UPF2: variants seen among roughly 807,000 people sequenced by gnomAD.
The protein encoded by UPF2 is UPF2 regulator of nonsense mediated mRNA decay, also known as regulator of nonsense transcripts 2.
UPF2 carries 17 observed loss-of-function variants against 141.4 expected under a neutral mutation model. The observed-to-expected ratio is 0.12, with a 90% confidence interval of 0.08 to 0.18. UPF2 has a LOEUF of 0.18. UPF2 is among the 10% of genes least tolerant of loss of function. The probability of loss-of-function intolerance (pLI) is 1.00; values close to 1 mark genes in which losing one functional copy is unlikely to be tolerated. For synonymous variants in UPF2, 540 were observed against 498.0 expected (o/e 1.08, Z -1.12); for missense variants, 1,152 against 1,515.9 (o/e 0.76, Z 3.99).
At chr10:11,963,877 G>T in intron 11 of UPF2, 132 bp downstream of exon 11, 1 of 640,216 alleles carries the variant, frequency 1.6e-6, no homozygotes, top group Non-Finnish European at 2.7e-6. Context: ...TGTATGGGAT[G>T]TTCCACTTTA....
Position 12,004,510 on chromosome 10 carries a change from A to T in UPF2, c.1504+20T>A, listed in dbSNP as rs376814783. 2.5e-6 allele frequency: 4 copies of T among 1,571,594 alleles called. No homozygotes were observed. The African/African-American group carries it at 6.1e-5, about 24-fold the overall frequency. On this transcript the variant is annotated intron_variant, in intron 5 of 21. Transcript: ENST00000357604. The stretch of plus-strand genomic sequence containing the variant: ...AATTCTTATAGCACTTAATGTAAAT[A>T]TTTTTTCTCTAGAATTTACCTTTGG...
chr10:11,951,940 CG>C, intron 15 of UPF2, 125 bp downstream of exon 15: 5 of 970,446 alleles, frequency 5.2e-6, no homozygotes, highest in Middle Eastern at 6.6e-4. Context: ...AACACTACTA[CG>C]TAACACTCAA....
intron 9 of UPF2, among the ~76,000 whole-genome samples, chr10:11,967,966 G>T (rs537483936): frequency 6.6e-6 from 1 of 152,178 alleles, no homozygotes; most frequent in Non-Finnish European, 1.5e-5. Flanking sequence ...CGGATCACGA[G>T]GTCAGGAGTT....
At chr10:11,938,386 G>A (rs544658394) in intron 18 of UPF2, among the ~76,000 whole-genome samples, 56 of 152,062 alleles carry the variant, frequency 3.7e-4, no homozygotes, top group Admixed American at 2.0e-3. Flanking sequence ...GCTTTATAAA[G>A]AGAATTACTT....
At chr10:11,947,878 ACTTT>A (rs1833023232) in intron 16 of UPF2, among the ~76,000 whole-genome samples, 1 of 151,662 alleles carries the variant, frequency 6.6e-6, no homozygotes, top group African/African-American at 2.4e-5. Context: ...GTATTTTATT[ACTTT>A]CTTTAAAAAC....
chr10:12,018,037 CT>C lies in UPF2; in HGVS notation c.1146-3854del, dbSNP rs113770907. Among the ~76,000 whole-genome samples the C allele has an allele frequency of 1.7e-3, 256 of 152,282 alleles. 1 individual carries two copies. The highest frequency in any genetic ancestry group is 5.7e-3 in the African/African-American group (237 of 41,556). ...AAACTGACATATGTAGCCATATATC[CT>C]TTCTTTGACATCTAAGTAATACACA... On this transcript the variant is annotated intron_variant, in intron 3 of 21. Transcript: ENST00000357604.
At chr10:11,968,526 T>G (rs967126225) in intron 9 of UPF2, among the ~76,000 whole-genome samples, 4 of 152,204 alleles carry the variant, frequency 2.6e-5, no homozygotes, top group Admixed American at 1.3e-4. Flanking sequence ...GGCTGGCTAG[T>G]GCATTGTAAT....
At chr10:11,942,317 G>C (rs1188944708) in intron 18 of UPF2, among the ~76,000 whole-genome samples, 1 of 152,106 alleles carries the variant, frequency 6.6e-6, no homozygotes, top group Non-Finnish European at 1.5e-5. Context: ...AGGTTGCAGT[G>C]AGCTGAGATC....
intron 1 of UPF2, among the ~76,000 whole-genome samples, chr10:12,038,671 G>A (rs1442057542): frequency 6.6e-6 from 1 of 151,910 alleles, no homozygotes; most frequent in African/African-American, 2.4e-5. Context: ...GGAGGCTGCA[G>A]TAAGCCGAGA....
chr10:11,952,020 T>G (rs1833081307), intron 15 of UPF2, 46 bp downstream of exon 15: 1 of 1,573,576 alleles, frequency 6.4e-7, no homozygotes. Context: ...CCAGAAATAA[T>G]CTGCCAAATA....
chr10:11,973,821 T>C (rs1262440693), intron 9 of UPF2, among the ~76,000 whole-genome samples: 1 of 152,238 alleles, frequency 6.6e-6, no homozygotes, highest in Non-Finnish European at 1.5e-5. Flanking sequence ...GGTTGCATGA[T>C]GCCTCTAACT....
chr10:12,002,222 G>T (rs1833965056), intron 5 of UPF2, among the ~76,000 whole-genome samples: 1 of 152,192 alleles, frequency 6.6e-6, no homozygotes, highest in African/African-American at 2.4e-5. Context: ...AGTGAGCCGA[G>T]AGAGCACCAC....
chr10:11,954,171 T>C (rs1833112613), intron 14 of UPF2, among the ~76,000 whole-genome samples: 1 of 152,164 alleles, frequency 6.6e-6, no homozygotes, highest in African/African-American at 2.4e-5. Flanking sequence ...CCTGTATTTG[T>C]ATATGAATTT....
intron 16 of UPF2, 32 bp from the exon 17 acceptor site, chr10:11,943,200 A>G (rs1588529888): frequency 1.3e-6 from 2 of 1,530,960 alleles, no homozygotes; most frequent in Non-Finnish European, 1.8e-6. Context: ...AGATTAAATA[A>G]CTTTTCGAAG....
At chr10:11,930,089 A>G in intron 20 of UPF2, 104 bp from the exon 21 acceptor site, 1 of 1,522,924 alleles carries the variant, frequency 6.6e-7, no homozygotes, top group Non-Finnish European at 8.9e-7. Flanking sequence ...TAGTCCTGTC[A>G]GGGAGCTGAC....
intron 4 of UPF2, among the ~76,000 whole-genome samples, chr10:12,006,687 AAAG>A (rs1322362655): frequency 6.6e-6 from 1 of 152,262 alleles, no homozygotes; most frequent in African/African-American, 2.4e-5. Context: ...GACAATATTT[AAAG>A]AATACATCCA....
At chr10:11,966,007 ATAAT>A (rs1222308787) in intron 10 of UPF2, among the ~76,000 whole-genome samples, 1 of 152,232 alleles carries the variant, frequency 6.6e-6, no homozygotes, top group Admixed American at 6.5e-5. Flanking sequence ...TTTACCACAT[ATAAT>A]TAATTACTGT....
intron 3 of UPF2, among the ~76,000 whole-genome samples, chr10:12,025,278 C>T (rs376515552): frequency 6.6e-6 from 1 of 152,096 alleles, no homozygotes; most frequent in Non-Finnish European, 1.5e-5. Context: ...TGGCCAGGCA[C>T]GGTGGCTGAC....
intron 8 of UPF2, among the ~76,000 whole-genome samples, chr10:11,989,556 TTTTA>T (rs1373471551): frequency 3.9e-5 from 6 of 152,360 alleles, no homozygotes; most frequent in Non-Finnish European, 7.3e-5. Context: ...TGAGTATTTC[TTTTA>T]TTGTTTTCAA....
Sources: gnomAD v4.1 joint callset for allele counts (sites outside exome capture counted in the v4.1 genomes callset) on GRCh38, gnomAD v4.1.1 for gene constraint, MANE v1.5 for transcripts, NCBI Gene and HGNC (gene_info 2026-07-23, HGNC 2026-07-21) for gene names.